USP35: variants seen among roughly 807,000 people sequenced by gnomAD.
The protein encoded by USP35 is ubiquitin carboxyl-terminal hydrolase 35.
Under a neutral mutation model 83.8 loss-of-function variants are expected in USP35, and 69 were observed. That is an observed-to-expected ratio of 0.82 (90% CI 0.68 to 1.01). USP35 has a LOEUF of 1.01. Among genes scored for constraint, USP35 ranks in the 50% least tolerant of loss-of-function variants. The pLI is 0.00. For synonymous variants in USP35, 714 were observed against 589.5 expected, an observed-to-expected ratio of 1.21 and a Z score of -3.06; for missense variants, 1,503 against 1,362.5, an observed-to-expected ratio of 1.10 and a Z score of -1.62.
the USP35 span, chr11:78,225,072 G>T: frequency 3.1e-5 from 42 of 1,360,332 alleles, no homozygotes; most frequent in East Asian, 9.2e-5. Flanking sequence ...ACCTAACCAG[G>T]CCGGCCTGAG....
At chr11:78,217,543 G>C (rs1186049646), downstream of USP35, 2 of 152,220 alleles carry the variant, frequency 1.3e-5, no homozygotes, top group Middle Eastern at 3.1e-3. Flanking sequence ...GGAAGTCATT[G>C]TTTGGGAGGA....
At chr11:78,220,525 G>A in the USP35 span, 1 of 1,263,130 alleles carries the variant, frequency 7.9e-7, no homozygotes. Context: ...CTGGGAGTAA[G>A]AACACTGTTT....
chr11:78,192,569 T>G (rs570397867), intron 1 of USP35, among the ~76,000 whole-genome samples: 1 of 152,330 alleles, frequency 6.6e-6, no homozygotes, highest in East Asian at 1.9e-4. Context: ...TCAGACTGCC[T>G]GCGTGGGAGT....
At position 78,196,450 on chromosome 11, in the gene USP35, GGCC is replaced by G; in HGVS notation, c.209_211del (p.Arg70del). 1 of 1,266,282 alleles carries G rather than the reference GGCC, an allele frequency of 7.9e-7. No homozygotes were observed. Among genetic ancestry groups the G allele is most frequent in the Non-Finnish European group, 9.9e-7 (1 of 1,006,222 alleles). 78.4% of individuals were successfully genotyped at this position (1,266,282 alleles called of 1,614,324 possible). On this transcript the variant is annotated inframe_deletion, in exon 2 of 11. Coordinates refer to ENST00000529308, the MANE Select transcript of USP35 (RefSeq NM_020798.4). This position sits in a 1 kb window ranked among gnomAD's most constrained non-coding sequence, Gnocchi z 4.8. Reference sequence around the variant, plus strand: ...GGGCTGCCAGCTGCTGCACGTGGCCGGCCGCCACCACCCCGACGTCTTCGCCGA... The same window carrying G: ...GGGCTGCCAGCTGCTGCACGTGGCCGGCCACCACCCCGACGTCTTCGCCGA...
the USP35 span, among the ~76,000 whole-genome samples, chr11:78,232,281 A>G: frequency 9.2e-5 from 14 of 152,184 alleles, no homozygotes; most frequent in African/African-American, 3.1e-4. Flanking sequence ...GAATCTCACC[A>G]ATGAAATTTC....
At chr11:78,231,336 G>GGTGTGTGGTGTGTGT in the USP35 span, among the ~76,000 whole-genome samples, 1 of 145,796 alleles carries the variant, frequency 6.9e-6, no homozygotes, top group Non-Finnish European at 1.5e-5. Flanking sequence ...GCGCGTGTGT[G>GGTGTGTGGTGTGTGT]GTGTGTGTGT....
the USP35 span, chr11:78,227,147 G>A: frequency 2.5e-6 from 2 of 800,372 alleles, no homozygotes; most frequent in African/African-American, 3.4e-5. Flanking sequence ...CTTTGGTTTA[G>A]GCATCTGTAA....
chr11:78,228,052 G>T, the USP35 span, among the ~76,000 whole-genome samples: 1 of 152,172 alleles, frequency 6.6e-6, no homozygotes, highest in Non-Finnish European at 1.5e-5. Flanking sequence ...AGAAACAAGA[G>T]GGGAGACTTG....
downstream of USP35, chr11:78,219,241 C>T (rs1451873820): frequency 1.2e-6 from 2 of 1,606,006 alleles, no homozygotes; most frequent in Non-Finnish European, 8.5e-7. Context: ...TCTGGAGATG[C>T]TGCCTCCTGG....
chr11:78,210,855 C>T (rs1360265317), intron 10 of USP35, 111 bp downstream of exon 10: 2 of 1,196,332 alleles, frequency 1.7e-6, no homozygotes, highest in Non-Finnish European at 2.3e-6. Flanking sequence ...AAATCCCATT[C>T]ATCTGTTGCT....
At position 78,213,842 on chromosome 11, in the gene USP35, C is replaced by T. The variant is rs755599229; in HGVS notation, c.*29C>T. 6.1e-5 allele frequency: 93 copies of T among 1,535,276 alleles called. No individual in the cohort carries two copies. Among genetic ancestry groups the T allele is most frequent in the Non-Finnish European group, 7.8e-5 (90 of 1,152,074 alleles). ...GAACCTGCTGCCAACCTGACCCCTT[C>T]CCTCCAGGAGCCAGGTAGGGCCTGA... On this transcript the variant is annotated 3_prime_UTR_variant, in exon 11 of 11. Coordinates refer to ENST00000529308, the MANE Select transcript of USP35 (RefSeq NM_020798.4).
intron 1 of USP35, among the ~76,000 whole-genome samples, chr11:78,195,578 C>G (rs1010917484): frequency 6.6e-6 from 1 of 152,164 alleles, no homozygotes; most frequent in African/African-American, 2.4e-5. Context: ...GGCTGAGACT[C>G]TGGACAGCAG....
downstream of USP35, chr11:78,216,644 G>C (rs1007892100): frequency 6.6e-6 from 1 of 152,082 alleles, no homozygotes; most frequent in Non-Finnish European, 1.5e-5. Context: ...GAAGCCTCCT[G>C]GGAGATTCGA....
chr11:78,208,072 G>A (rs1308008934), intron 8 of USP35, among the ~76,000 whole-genome samples: 1 of 152,184 alleles, frequency 6.6e-6, no homozygotes, highest in Non-Finnish European at 1.5e-5. Context: ...CATGAGAGAA[G>A]GGAAAGCGGG....
chr11:78,199,462 A>G (rs1863267701), intron 3 of USP35, 133 bp from the exon 4 acceptor site: 1 of 1,371,170 alleles, frequency 7.3e-7, no homozygotes, highest in Non-Finnish European at 1.0e-6. Context: ...TTCAGCCCAC[A>G]GACCCCGGGG....
rs1331021502 is a variant in USP35, at chr11:78,189,038, A to T, written c.-130A>T. The T allele has an allele frequency of 1.2e-6, 1 of 851,938 alleles. No homozygotes were observed. Among genetic ancestry groups the T allele is most frequent in the Admixed American group, 6.2e-5 (1 of 16,118 alleles). 52.8% of individuals were successfully genotyped at this position (851,938 alleles called of 1,614,324 possible). ...ATCTCTTCCGTCTGGGACCTGGCTG[A>T]GGGCGTCCCCACCCTGGGGGGAGCA... On this transcript the variant is annotated 5_prime_UTR_variant, in exon 1 of 11. Coordinates refer to ENST00000529308, the MANE Select transcript of USP35 (RefSeq NM_020798.4).
intron 8 of USP35, among the ~76,000 whole-genome samples, chr11:78,208,093 C>T (rs2134409481): frequency 6.6e-6 from 1 of 152,226 alleles, no homozygotes; most frequent in Middle Eastern, 3.4e-3. Context: ...ATGAACTCAC[C>T]CTTTTATCAG....
chr11:78,194,204 C>A (rs1863079196), intron 1 of USP35, among the ~76,000 whole-genome samples: 1 of 150,134 alleles, frequency 6.7e-6, no homozygotes, highest in Non-Finnish European at 1.5e-5. Flanking sequence ...GACTAATAAA[C>A]CCTGGTCCTT....
intron 6 of USP35, among the ~76,000 whole-genome samples, chr11:78,201,885 G>T (rs771841251): frequency 6.6e-6 from 1 of 152,138 alleles, no homozygotes; most frequent in African/African-American, 2.4e-5. Flanking sequence ...GGGTGAAGGG[G>T]TCTAGGTAGG....
Sources: allele counts gnomAD v4.1 joint callset (sites outside exome capture counted in the v4.1 genomes callset), GRCh38; gene constraint gnomAD v4.1.1; non-coding constraint Gnocchi (gnomAD v3.1); transcripts MANE v1.5; gene names NCBI Gene and HGNC (gene_info 2026-07-23, HGNC 2026-07-21).